ATP11C: variants seen among roughly 807,000 people sequenced by gnomAD.
The protein encoded by ATP11C is ATPase phospholipid transporting 11C (ATP11C blood group).
ATP11C carries 36 observed loss-of-function variants against 97.4 expected under a neutral mutation model. The observed-to-expected ratio is 0.37, with a 90% CI of 0.28 to 0.49. The LOEUF is 0.49. Ranked by LOEUF, ATP11C falls within the 20% of genes least tolerant of loss-of-function variation. The pLI, the probability that ATP11C is intolerant of heterozygous loss-of-function variation, is 0.98. For missense variants in ATP11C, 730 were observed against 824.6 expected (o/e 0.89, Z 1.40); for synonymous variants, 275 against 290.9 (o/e 0.95, Z 0.56).
intron 1 of ATP11C, among the ~76,000 whole-genome samples, chrX:139,873,700 C>A (rs2084414353): frequency 1.4e-5 from 1 of 74,062 alleles, no homozygotes. Flanking sequence ...GAGCGAGACT[C>A]CAACTCAAAA....
At chrX:139,916,643 A>G (rs2085160167) in intron 1 of ATP11C, among the ~76,000 whole-genome samples, 2 of 111,554 alleles carry the variant, frequency 1.8e-5, no homozygotes, top group African/African-American at 6.5e-5. Context: ...GAGTTGAGAC[A>G]ACTGACTACA....
chrX:139,811,892 A>G (rs2083183428), intron 5 of ATP11C, among the ~76,000 whole-genome samples: 1 of 111,773 alleles, frequency 8.9e-6, no homozygotes, highest in Non-Finnish European at 1.9e-5. Context: ...ACTGCCTGGC[A>G]TATACTACAT....
At chrX:139,875,419 C>CAAAAAAA (rs35815603) in intron 1 of ATP11C, among the ~76,000 whole-genome samples, 3 of 44,906 alleles carry the variant, frequency 6.7e-5, no homozygotes, top group Non-Finnish European at 1.6e-4. Context: ...CCCATCTCCA[C>CAAAAAAA]AAAAAAAAAA....
intron 1 of ATP11C, among the ~76,000 whole-genome samples, chrX:139,909,288 C>T (rs1277593221): frequency 2.7e-5 from 3 of 110,762 alleles, no homozygotes; most frequent in African/African-American, 9.9e-5. Flanking sequence ...CCTGCCACCA[C>T]GCCTGGCTAA....
intron 1 of ATP11C, among the ~76,000 whole-genome samples, chrX:139,872,132 A>G (rs2084387992): frequency 9.0e-6 from 1 of 111,552 alleles, no homozygotes; most frequent in African/African-American, 3.3e-5. Context: ...GTAAACAGCT[A>G]AAAATTGATA....
intron 24 of ATP11C, among the ~76,000 whole-genome samples, chrX:139,747,951 A>G (rs889258745): frequency 8.9e-6 from 1 of 111,790 alleles, no homozygotes; most frequent in African/African-American, 3.2e-5. Flanking sequence ...TTTGCATCAG[A>G]TGTGGCAAGT....
chrX:139,784,215 C>T (rs918189782), intron 16 of ATP11C, among the ~76,000 whole-genome samples: 1 of 111,696 alleles, frequency 9.0e-6, no homozygotes, highest in Non-Finnish European at 1.9e-5. Flanking sequence ...TCACCATTTG[C>T]TGTAGAACAT....
At chrX:139,753,464 C>G (rs955314893) in intron 23 of ATP11C, among the ~76,000 whole-genome samples, 3 of 111,483 alleles carry the variant, frequency 2.7e-5, no homozygotes, top group African/African-American at 9.8e-5. Context: ...TGGGACACAG[C>G]TAAGGAAGTG....
At chrX:139,838,342 G>T (rs2083777760) in intron 1 of ATP11C, among the ~76,000 whole-genome samples, 1 of 110,860 alleles carries the variant, frequency 9.0e-6, no homozygotes, top group South Asian at 3.8e-4. Flanking sequence ...ACCAAGGAAT[G>T]AAATATTCAC....
chrX:139,793,661 G>A (rs1266064415), intron 12 of ATP11C, among the ~76,000 whole-genome samples: 1 of 111,045 alleles, frequency 9.0e-6, no homozygotes, highest in African/African-American at 3.3e-5. Flanking sequence ...TAACCTTAAC[G>A]ATACCTGCTG....
intron 1 of ATP11C, among the ~76,000 whole-genome samples, chrX:139,929,555 T>C (rs2085402046): frequency 8.9e-6 from 1 of 111,881 alleles, no homozygotes; most frequent in Non-Finnish European, 1.9e-5. Flanking sequence ...TTCTCTAATA[T>C]GTAGTCTAGT....
chrX:139,917,759 C>T (rs1271873843), intron 1 of ATP11C, among the ~76,000 whole-genome samples: 3 of 110,458 alleles, frequency 2.7e-5, no homozygotes, highest in African/African-American at 9.9e-5. Context: ...AGTTCGAGAC[C>T]AGCCTGGCCA....
At chrX:139,855,044 G>A (rs904879030) in intron 1 of ATP11C, among the ~76,000 whole-genome samples, 10 of 111,951 alleles carry the variant, frequency 8.9e-5, no homozygotes, top group African/African-American at 3.2e-4. Flanking sequence ...AATAAATTAT[G>A]TCTATAAGTT....
chrX:139,788,985 G>A (rs2082634149), intron 13 of ATP11C, among the ~76,000 whole-genome samples: 1 of 111,343 alleles, frequency 9.0e-6, no homozygotes, highest in South Asian at 3.8e-4. Flanking sequence ...TGGATTACCT[G>A]AGGTCAGGAG....
rs920415310 is a variant in ATP11C at position 139,796,327 on chromosome X, T to G, written c.1152A>C (p.Glu384Asp). Residue 384 changes from glutamate to aspartate, a missense_variant, in exon 12 of 30, where the codon GAA becomes GAC. By Grantham distance (45) the Glu-to-Asp change is conservative (BLOSUM62 2). Coordinates refer to ENST00000682941, the MANE Select transcript of ATP11C (RefSeq NM_001353812.2). ...ISWDKDFYDE[E>D]INEGALVNTS... ...TGTTAACCAGGGCTCCTTCATTAATTTCTTCATCATAAAAGTCCTTATCCC... is the reference window on the plus strand; with the variant it reads ...TGTTAACCAGGGCTCCTTCATTAATGTCTTCATCATAAAAGTCCTTATCCC... 1 of 1,206,933 alleles carries G rather than the reference T, an allele frequency of 8.3e-7. No homozygotes were observed. The highest frequency in any genetic ancestry group is 1.1e-6 in the Non-Finnish European group (1 of 893,437).
chrX:139,790,464 T>TCACTCACA (rs2082667824), intron 12 of ATP11C, among the ~76,000 whole-genome samples: 1 of 99,217 alleles, frequency 1.0e-5, no homozygotes, highest in African/African-American at 3.6e-5. Context: ...TCTCTCTCAC[T>TCACTCACA]CACACACACA....
chrX:139,797,516 G>A (rs1179177810), intron 10 of ATP11C, among the ~76,000 whole-genome samples, 190 bp from the exon 11 acceptor site: 1 of 111,454 alleles, frequency 9.0e-6, no homozygotes, highest in Non-Finnish European at 1.9e-5. Flanking sequence ...GCCATGAACT[G>A]TTTATTGACC....
intron 2 of ATP11C, among the ~76,000 whole-genome samples, chrX:139,822,578 T>C (rs967183804): frequency 4.5e-5 from 5 of 110,897 alleles, no homozygotes; most frequent in African/African-American, 9.9e-5. Flanking sequence ...CACACCCGGC[T>C]AATTTTTATA....
chrX:139,845,595 T>C (rs946353297), intron 1 of ATP11C, among the ~76,000 whole-genome samples: 16 of 111,775 alleles, frequency 1.4e-4, no homozygotes, highest in Admixed American at 3.8e-4. Flanking sequence ...CTTTTAAACA[T>C]TGAACAATTA....
Sources: gnomAD v4.1 joint callset for allele counts (sites outside exome capture counted in the v4.1 genomes callset) on GRCh38, gnomAD v4.1.1 for gene constraint, MANE v1.5 for transcripts, NCBI Gene and HGNC (gene_info 2026-07-23, HGNC 2026-07-21) for gene names.